The following LRP1B variants were observed in gnomAD, a reference collection of about 807,000 sequenced individuals.
LRP1B encodes LDL receptor related protein 1B.
A neutral mutation model predicts 556.6 loss-of-function variants in LRP1B; 217 were observed. The ratio of observed to expected loss-of-function variants is 0.39; its 90% CI spans 0.35 to 0.44. The LOEUF (loss-of-function observed/expected upper bound fraction) is 0.44, where lower values mean the gene tolerates loss of function less well. LRP1B is among the 20% of genes least tolerant of loss of function. The pLI, the probability that LRP1B is intolerant of heterozygous loss-of-function variation, is 1.00. For synonymous variants in LRP1B, 2,047 were observed against 1,865.8 expected (o/e 1.10, Z -2.50); for missense variants, 5,053 against 5,620.8 (o/e 0.90, Z 3.23).
chr2:141,726,210 G>GTATATAGTACATATATAAAA lies in LRP1B; in HGVS notation c.205+84068_205+84069insTTTTATATATGTACTATATA, dbSNP rs577928221. Among the ~76,000 whole-genome samples the GTATATAGTACATATATAAAA allele has an allele frequency of 2.9e-3, 430 of 150,726 alleles. 2 individuals carry two copies. Among genetic ancestry groups the GTATATAGTACATATATAAAA allele is most frequent in the African/African-American group, 9.9e-3 (407 of 41,250 alleles). On this transcript the variant is annotated intron_variant, in intron 2 of 90. Coordinates refer to ENST00000389484, the MANE Select transcript of LRP1B (RefSeq NM_018557.3). Reference sequence around the variant, plus strand: ...AGGTAAATAATTATATAAAATATATGTATAGTACAATCCCATCATCATAAA... The same window carrying GTATATAGTACATATATAAAA: ...AGGTAAATAATTATATAAAATATATGTATATAGTACATATATAAAATATAGTACAATCCCATCATCATAAA...
At chr2:142,111,949 A>G (rs1271759333) in intron 1 of LRP1B, among the ~76,000 whole-genome samples, 1 of 152,118 alleles carries the variant, frequency 6.6e-6, no homozygotes, top group African/African-American at 2.4e-5. Context: ...GTAATTGATC[A>G]GAGGTCACAG....
intron 43 of LRP1B, among the ~76,000 whole-genome samples, chr2:140,548,909 A>G (rs2105042181): frequency 6.6e-6 from 1 of 152,234 alleles, no homozygotes; most frequent in Middle Eastern, 3.4e-3. Context: ...TGGGTGACAG[A>G]GCAAGACTCT....
At chr2:140,305,808 T>G (rs368506583) in intron 83 of LRP1B, among the ~76,000 whole-genome samples, 1 of 152,076 alleles carries the variant, frequency 6.6e-6, no homozygotes, top group African/African-American at 2.4e-5. Context: ...ATAGCTCTTA[T>G]TATTTTGAGA....
At chr2:140,778,512 G>A (rs985533510) in intron 32 of LRP1B, among the ~76,000 whole-genome samples, 3 of 151,960 alleles carry the variant, frequency 2.0e-5, no homozygotes, top group Non-Finnish European at 4.4e-5. Flanking sequence ...ATGGTATAAT[G>A]AAACATGTCT....
At chr2:140,722,239 A>C (rs532992352) in intron 35 of LRP1B, among the ~76,000 whole-genome samples, 2 of 152,288 alleles carry the variant, frequency 1.3e-5, no homozygotes, top group South Asian at 4.1e-4. Flanking sequence ...ATCCATTTTG[A>C]ACATTGAGGT....
At chr2:140,724,958 T>C in intron 35 of LRP1B, among the ~76,000 whole-genome samples, 1 of 152,184 alleles carries the variant, frequency 6.6e-6, no homozygotes, top group South Asian at 2.1e-4. Context: ...TTTTTTACTG[T>C]CATTTATCCT....
intron 66 of LRP1B, among the ~76,000 whole-genome samples, chr2:140,416,637 A>G (rs566551529): frequency 6.6e-6 from 1 of 150,778 alleles, no homozygotes; most frequent in Non-Finnish European, 1.5e-5. Context: ...CCTGGGCAAG[A>G]CAGCCAAACT....
intron 3 of LRP1B, among the ~76,000 whole-genome samples, chr2:141,320,872 G>A (rs541131191): frequency 3.9e-5 from 6 of 152,112 alleles, no homozygotes; most frequent in South Asian, 2.1e-4. Flanking sequence ...TTTGTTCCAC[G>A]TGGGTAAGAA....
intron 1 of LRP1B, among the ~76,000 whole-genome samples, chr2:141,950,140 A>G (rs984125183): frequency 6.6e-5 from 10 of 152,200 alleles, no homozygotes; most frequent in Non-Finnish European, 1.3e-4. Context: ...ACTTTATAAT[A>G]TTTGTTTATA....
chr2:141,944,846 A>G (rs1558977830), intron 1 of LRP1B, among the ~76,000 whole-genome samples: 1 of 152,126 alleles, frequency 6.6e-6, no homozygotes, highest in Non-Finnish European at 1.5e-5. Context: ...TTCTCCCTCT[A>G]ACACACACAG....
chr2:141,909,643 C>G lies in LRP1B; in HGVS notation c.83-99242G>C, dbSNP rs989331393. ...AGTAATTTTGTGCTCACCAGTGGAG[C>G]CATACTAAAAATGACACTGAACCAC... On this transcript the variant is annotated intron_variant, in intron 1 of 90. Transcript: ENST00000389484. Among the ~76,000 whole-genome samples, 9 of 148,384 alleles carry G rather than the reference C, an allele frequency of 6.1e-5. No homozygotes were observed. The Admixed American group carries it at 6.2e-4, about 10-fold the overall frequency.
chr2:141,825,535 A>T (rs913604338), intron 1 of LRP1B, among the ~76,000 whole-genome samples: 1 of 152,178 alleles, frequency 6.6e-6, no homozygotes, highest in African/African-American at 2.4e-5. Flanking sequence ...TTTTTTGTAG[A>T]TGTATATCAA....
At chr2:140,783,941 G>C (rs1689792360) in intron 32 of LRP1B, among the ~76,000 whole-genome samples, 1 of 152,160 alleles carries the variant, frequency 6.6e-6, no homozygotes, top group African/African-American at 2.4e-5. Context: ...ACAGTAGATT[G>C]TTGGGCTCCA....
intron 3 of LRP1B, among the ~76,000 whole-genome samples, chr2:141,392,480 A>AAAG (rs1553507610): frequency 8.9e-5 from 12 of 134,550 alleles, no homozygotes; most frequent in Middle Eastern, 4.0e-3. Context: ...AAAAAAAAAA[A>AAAG]AGAGAGACTG....
chr2:140,654,322 C>T (rs576691126), intron 41 of LRP1B, among the ~76,000 whole-genome samples: 1 of 152,142 alleles, frequency 6.6e-6, no homozygotes, highest in South Asian at 2.1e-4. Flanking sequence ...AAACATCTTA[C>T]TATTGTGAGC....
intron 11 of LRP1B, among the ~76,000 whole-genome samples, chr2:141,034,093 TTTTAG>T (rs1698458527): frequency 6.6e-6 from 1 of 152,140 alleles, no homozygotes; most frequent in Non-Finnish European, 1.5e-5. Flanking sequence ...AAAAAATCTC[TTTTAG>T]TTTTTATTAG....
At chr2:141,675,835 T>C (rs572158431) in intron 2 of LRP1B, among the ~76,000 whole-genome samples, 1 of 152,086 alleles carries the variant, frequency 6.6e-6, no homozygotes, top group Admixed American at 6.6e-5. Context: ...TCCATTTGTA[T>C]AGTGATCTGT....
chr2:141,172,582 A>T (rs2105147445), intron 7 of LRP1B, among the ~76,000 whole-genome samples: 1 of 152,102 alleles, frequency 6.6e-6, no homozygotes, highest in African/African-American at 2.4e-5. Flanking sequence ...TTACCGAACA[A>T]GTTTTATGAG....
chr2:141,884,526 A>G (rs1032443031), intron 1 of LRP1B, among the ~76,000 whole-genome samples: 3 of 152,212 alleles, frequency 2.0e-5, no homozygotes, highest in African/African-American at 7.2e-5. Flanking sequence ...GCCTTGCCAC[A>G]TTGTAATTTT....
Sources: allele counts gnomAD v4.1 joint callset (sites outside exome capture counted in the v4.1 genomes callset), GRCh38; gene constraint gnomAD v4.1.1; transcripts MANE v1.5; gene names NCBI Gene and HGNC (gene_info 2026-07-23, HGNC 2026-07-21).